Variants in PCP4 observed in about 807,000 individuals in gnomAD.
PCP4 encodes calmodulin regulator protein PCP4.
A neutral mutation model predicts 10.0 loss-of-function variants in PCP4; 8 were observed. The observed-to-expected ratio is 0.80, with a 90% CI of 0.47 to 1.45. The LOEUF (loss-of-function observed/expected upper bound fraction) is 1.45, where lower values mean the gene tolerates loss of function less well. Among genes scored for constraint, PCP4 ranks in the 40% most tolerant of loss-of-function variants. The pLI is 0.00. For missense variants in PCP4, 54 were observed against 74.4 expected (o/e 0.73, Z 1.01); for synonymous variants, 21 against 23.0 (o/e 0.91, Z 0.24).
At chr21:39,893,381 C>G (rs2087442411) in intron 1 of PCP4, among the ~76,000 whole-genome samples, 1 of 152,198 alleles carries the variant, frequency 6.6e-6, no homozygotes, top group African/African-American at 2.4e-5. Flanking sequence ...GCACAAGGAT[C>G]TTCATATACC....
intron 2 of PCP4, among the ~76,000 whole-genome samples, chr21:39,907,614 G>A (rs770102324): frequency 3.9e-5 from 6 of 152,136 alleles, no homozygotes; most frequent in Admixed American, 6.5e-5. Context: ...TGGCCAACAT[G>A]GTGAAACTCC....
intron 2 of PCP4, among the ~76,000 whole-genome samples, chr21:39,913,713 T>A (rs1346467911): frequency 6.6e-6 from 1 of 152,150 alleles, no homozygotes; most frequent in African/African-American, 2.4e-5. Flanking sequence ...AGCTGCGTGG[T>A]TGGACCTGGG....
At chr21:39,870,420 A>G (rs1227894621) in intron 1 of PCP4, among the ~76,000 whole-genome samples, 2 of 152,226 alleles carry the variant, frequency 1.3e-5, no homozygotes, top group Non-Finnish European at 2.9e-5. Context: ...ATCAGAATGC[A>G]GGCTTAAGTC....
chr21:39,875,677 G>A (rs924304640), intron 1 of PCP4, among the ~76,000 whole-genome samples: 9 of 152,080 alleles, frequency 5.9e-5, no homozygotes, highest in Non-Finnish European at 1.0e-4. Context: ...CAATCTTCCT[G>A]CAGATCCATA....
At chr21:39,889,405 C>T (rs1283474622) in intron 1 of PCP4, among the ~76,000 whole-genome samples, 3 of 145,134 alleles carry the variant, frequency 2.1e-5, no homozygotes, top group Admixed American at 7.4e-5. Flanking sequence ...AATATCAAAC[C>T]AAGTTCTTTT....
At chr21:39,887,198 A>T (rs935958007) in intron 1 of PCP4, among the ~76,000 whole-genome samples, 1 of 152,234 alleles carries the variant, frequency 6.6e-6, no homozygotes. Context: ...CAGGATAAAA[A>T]AATGACAGGA....
At position 39,928,930 on chromosome 21, in the gene PCP4, C is replaced by T. The variant is rs150152205; in HGVS notation, c.62-54C>T. ...TTCACTTATCTAGTGGGGCTGTCTGCTTTCCTATTTTCAGCTCAGTGATTG... is the reference window on the plus strand; with the variant it reads ...TTCACTTATCTAGTGGGGCTGTCTGTTTTCCTATTTTCAGCTCAGTGATTG... On this transcript the variant is annotated intron_variant, in intron 2 of 2. Coordinates refer to ENST00000328619, the MANE Select transcript of PCP4 (RefSeq NM_006198.3). 8.8e-4 allele frequency: 1,395 copies of T among 1,583,218 alleles called. 20 individuals are homozygous for T. In the African/African-American group the frequency reaches 0.017, roughly 20 times the overall value.
intron 2 of PCP4, among the ~76,000 whole-genome samples, chr21:39,907,395 A>C (rs1272229637): frequency 6.6e-6 from 1 of 152,162 alleles, no homozygotes; most frequent in South Asian, 2.1e-4. Context: ...AGACCCAGAA[A>C]AGGAGAAACC....
At chr21:39,870,228 A>C (rs1008992282) in intron 1 of PCP4, among the ~76,000 whole-genome samples, 11 of 152,382 alleles carry the variant, frequency 7.2e-5, no homozygotes, top group Non-Finnish European at 1.3e-4. Flanking sequence ...GGGAAATGAC[A>C]TGTGATAGAA....
intron 2 of PCP4, among the ~76,000 whole-genome samples, chr21:39,917,472 G>C (rs762870033): frequency 3.3e-5 from 5 of 152,238 alleles, no homozygotes; most frequent in Non-Finnish European, 5.9e-5. Context: ...CCTGGTGGTA[G>C]AGGGAGAAGC....
At chr21:39,867,824 T>A (rs1344492514) in intron 1 of PCP4, among the ~76,000 whole-genome samples, 1 of 152,164 alleles carries the variant, frequency 6.6e-6, no homozygotes, top group Admixed American at 6.5e-5. Flanking sequence ...CTTACGAAGA[T>A]GCGTGTCTTT....
chr21:39,918,446 G>A (rs1323104669), intron 2 of PCP4, among the ~76,000 whole-genome samples: 6 of 152,132 alleles, frequency 3.9e-5, no homozygotes, highest in Non-Finnish European at 8.8e-5. Context: ...ACCAAATTAG[G>A]CTTTGTATTA....
intron 2 of PCP4, among the ~76,000 whole-genome samples, chr21:39,923,227 A>T (rs1197410751): frequency 6.6e-6 from 1 of 152,218 alleles, no homozygotes; most frequent in African/African-American, 2.4e-5. Context: ...GCAAAGAATG[A>T]TTCCAGAATT....
At chr21:39,920,287 G>C (rs2087590475) in intron 2 of PCP4, among the ~76,000 whole-genome samples, 1 of 32,936 alleles carries the variant, frequency 3.0e-5, no homozygotes, top group South Asian at 1.7e-3. Context: ...AGTGTGTGTG[G>C]TGTGTGTGTG....
intron 1 of PCP4, among the ~76,000 whole-genome samples, chr21:39,885,925 C>T (rs1303341341): frequency 2.6e-5 from 4 of 152,186 alleles, no homozygotes; most frequent in Non-Finnish European, 4.4e-5. Flanking sequence ...TGGTGTCTGC[C>T]GGGTTGGTTC....
At chr21:39,884,393 G>A (rs1453962742) in intron 1 of PCP4, among the ~76,000 whole-genome samples, 2 of 151,822 alleles carry the variant, frequency 1.3e-5, no homozygotes, top group Non-Finnish European at 2.9e-5. Flanking sequence ...TGGTCAGGCT[G>A]TTCTCAAACT....
chr21:39,896,689 C>T (rs937143403), intron 1 of PCP4, among the ~76,000 whole-genome samples: 16 of 152,108 alleles, frequency 1.1e-4, no homozygotes, highest in African/African-American at 3.6e-4. Context: ...TAATATAAAT[C>T]TGGATCATTT....
At chr21:39,883,790 C>A (rs959687572) in intron 1 of PCP4, among the ~76,000 whole-genome samples, 1 of 152,126 alleles carries the variant, frequency 6.6e-6, no homozygotes, top group African/African-American at 2.4e-5. Flanking sequence ...GCACTGTTTT[C>A]ATTACTTTTA....
intron 1 of PCP4, among the ~76,000 whole-genome samples, chr21:39,890,813 A>ATT (rs1430204492): frequency 6.6e-6 from 1 of 152,142 alleles, no homozygotes; most frequent in Non-Finnish European, 1.5e-5. Flanking sequence ...TGCTTGCCTT[A>ATT]TCCAGTGGTG....
Sources: gnomAD v4.1 joint callset for allele counts (sites outside exome capture counted in the v4.1 genomes callset) on GRCh38, gnomAD v4.1.1 for gene constraint, MANE v1.5 for transcripts, NCBI Gene and HGNC (gene_info 2026-07-23, HGNC 2026-07-21) for gene names.